VPS8: variants seen among roughly 807,000 people sequenced by gnomAD.
VPS8 encodes vacuolar protein sorting-associated protein 8 homolog.
Under a neutral mutation model 216.4 loss-of-function variants are expected in VPS8, and 129 were observed. That is an observed-to-expected ratio of 0.60 (90% CI 0.52 to 0.69). The LOEUF (loss-of-function observed/expected upper bound fraction) is 0.69, where lower values mean the gene tolerates loss of function less well. Ranked by LOEUF, VPS8 falls within the 30% of genes least tolerant of loss-of-function variation. The pLI is 0.00. For synonymous variants in VPS8, 571 were observed against 565.4 expected (o/e 1.01, Z -0.14); for missense variants, 1,531 against 1,683.5 (o/e 0.91, Z 1.59).
intron 40 of VPS8, among the ~76,000 whole-genome samples, chr3:184,973,155 C>T (rs1279074080): frequency 6.6e-6 from 1 of 152,116 alleles, no homozygotes; most frequent in Non-Finnish European, 1.5e-5. Flanking sequence ...GATACATACT[C>T]ATCATTTTTA....
chr3:184,967,899 T>A (rs1747692918), intron 39 of VPS8, among the ~76,000 whole-genome samples: 1 of 151,998 alleles, frequency 6.6e-6, no homozygotes, highest in Non-Finnish European at 1.5e-5. Flanking sequence ...AAATTTACCA[T>A]TTTAACTATT....
rs1722534839 is a variant in VPS8, at chr3:184,843,337, T to TA, written c.541+93dup. 9.3e-6 allele frequency: 9 copies of TA among 965,542 alleles called. No individual in the cohort carries two copies. In the Middle Eastern group the frequency reaches 6.8e-4, roughly 73 times the overall value. 59.8% of individuals were successfully genotyped at this position (965,542 alleles called of 1,614,324 possible). A position where few individuals can be genotyped will look rare whatever the true frequency, so the allele number is the denominator to read the frequency against. On this transcript the variant is annotated intron_variant, in intron 8 of 47. Coordinates refer to ENST00000625842, the MANE Select transcript of VPS8 (RefSeq NM_001009921.3). ...CTACCAATTATAGTCAATGTCCTCTTACGAAATGCTTATTGAAAAAAACCC... is the reference window on the plus strand; with the variant it reads ...CTACCAATTATAGTCAATGTCCTCTTAACGAAATGCTTATTGAAAAAAACCC...
chr3:184,841,226 A>G (rs1174857132), intron 7 of VPS8, among the ~76,000 whole-genome samples: 1 of 152,198 alleles, frequency 6.6e-6, no homozygotes, highest in African/African-American at 2.4e-5. Context: ...AGTTGAAGAT[A>G]TACCAAATCC....
At chr3:185,017,571 T>G (rs567239064) in intron 45 of VPS8, among the ~76,000 whole-genome samples, 2 of 152,354 alleles carry the variant, frequency 1.3e-5, no homozygotes, top group South Asian at 4.1e-4. Context: ...CTCATTGTAA[T>G]CTGAATCAAT....
At chr3:184,909,274 G>A (rs1444720366) in intron 25 of VPS8, among the ~76,000 whole-genome samples, 2 of 152,166 alleles carry the variant, frequency 1.3e-5, no homozygotes, top group Admixed American at 6.5e-5. Context: ...GCATTTTTCT[G>A]AATAAACATT....
Position 185,052,269 on chromosome 3 carries a change from G to A in VPS8, c.*244G>A, listed in dbSNP as rs1262565015. 2 of 422,632 alleles carry A rather than the reference G, an allele frequency of 4.7e-6. No homozygotes were observed. Among genetic ancestry groups the A allele is most frequent in the Non-Finnish European group, 8.3e-6 (2 of 240,164 alleles). 26.2% of individuals were successfully genotyped at this position (422,632 alleles called of 1,614,324 possible). ...GATTTTGTTTTGCTTGTTAAGCAAA[G>A]GAATGTCACATACCTCTGTCCAGCT... On this transcript the variant is annotated 3_prime_UTR_variant, in exon 48 of 48. Coordinates refer to ENST00000625842, the MANE Select transcript of VPS8 (RefSeq NM_001009921.3).
chr3:184,862,959 G>A lies in VPS8; in HGVS notation c.1287G>A (p.Arg429=). ...TAGAGAAGTTGCATGTGATTGATCG[G>A]CAAACACAAGAGGAATTGGAGACAG... The part of the protein sequence containing the change: ...DSVEKLHVID[R]QTQEELETVE... Residue 429 remains arginine, a synonymous_variant, in exon 16 of 48, where the codon CGG becomes CGA. Coordinates refer to ENST00000625842, the MANE Select transcript of VPS8 (RefSeq NM_001009921.3). 6.2e-7 allele frequency: 1 copy of A among 1,613,906 alleles called. No homozygotes were observed. Among genetic ancestry groups the A allele is most frequent in the Non-Finnish European group, 8.5e-7 (1 of 1,179,812 alleles).
intron 16 of VPS8, among the ~76,000 whole-genome samples, chr3:184,863,325 T>C (rs762440244): frequency 7.9e-5 from 12 of 152,216 alleles, no homozygotes; most frequent in Non-Finnish European, 1.2e-4. Flanking sequence ...TTAATTTTTA[T>C]ACTAAAATAA....
intron 45 of VPS8, among the ~76,000 whole-genome samples, chr3:185,015,044 A>G (rs1755597149): frequency 6.6e-6 from 1 of 152,230 alleles, no homozygotes; most frequent in African/African-American, 2.4e-5. Context: ...AAAGAGAATT[A>G]GGTTCCAGTC....
At chr3:184,847,844 G>A (rs1322501585) in intron 8 of VPS8, among the ~76,000 whole-genome samples, 2 of 152,012 alleles carry the variant, frequency 1.3e-5, no homozygotes, top group Non-Finnish European at 2.9e-5. Context: ...CAAGATCCTC[G>A]CCCTTATCAC....
chr3:184,957,492 G>A lies in VPS8; in HGVS notation c.3154G>A (p.Glu1052Lys). Residue 1052 changes from glutamate to lysine, a missense_variant, in exon 37 of 48, where the codon GAG becomes AAG. Transcript: ENST00000625842. The stretch of plus-strand genomic sequence containing the variant: ...AGTTATAGAGACTCTGCAAGTCCTT[G>A]AGTGCTACCGTCTGGAAGAAACTAT... ...TQVIETLQVL[E>K]CYRLEETIQI... 1 of 1,611,918 alleles carries A rather than the reference G, an allele frequency of 6.2e-7. No homozygotes were observed. The highest frequency in any genetic ancestry group is 8.5e-7 in the Non-Finnish European group (1 of 1,179,012).
chr3:184,921,326 C>T (rs774701140), intron 29 of VPS8, among the ~76,000 whole-genome samples: 1 of 152,198 alleles, frequency 6.6e-6, no homozygotes, highest in Non-Finnish European at 1.5e-5. Flanking sequence ...ACACTTAGTA[C>T]GTGATTTCCA....
intron 21 of VPS8, among the ~76,000 whole-genome samples, chr3:184,882,656 T>C (rs1325873944): frequency 6.6e-6 from 1 of 152,104 alleles, no homozygotes; most frequent in Non-Finnish European, 1.5e-5. Flanking sequence ...TTTTAAATGT[T>C]TGGTACAATT....
intron 45 of VPS8, among the ~76,000 whole-genome samples, chr3:185,005,007 G>T (rs1754047281): frequency 6.6e-6 from 1 of 151,724 alleles, no homozygotes. Context: ...ATGGATTCAG[G>T]GCTTAGATTT....
At chr3:184,902,113 C>A (rs1269759649) in intron 25 of VPS8, among the ~76,000 whole-genome samples, 2 of 117,098 alleles carry the variant, frequency 1.7e-5, no homozygotes, top group African/African-American at 3.2e-5. Flanking sequence ...AATATTTAGC[C>A]CCCCCCCCCT....
At chr3:184,960,317 G>T (rs1746305542) in intron 37 of VPS8, among the ~76,000 whole-genome samples, 1 of 152,060 alleles carries the variant, frequency 6.6e-6, no homozygotes, top group Non-Finnish European at 1.5e-5. Flanking sequence ...CCTTGAAGAT[G>T]CAACACTTTA....
At chr3:185,033,212 A>G (rs1407490916) in intron 46 of VPS8, among the ~76,000 whole-genome samples, 1 of 152,182 alleles carries the variant, frequency 6.6e-6, no homozygotes, top group East Asian at 1.9e-4. Flanking sequence ...ATAAATGTAT[A>G]ATGAAATGTA....
At chr3:184,977,794 G>T (rs2109705837) in intron 40 of VPS8, among the ~76,000 whole-genome samples, 1 of 148,534 alleles carries the variant, frequency 6.7e-6, no homozygotes, top group South Asian at 2.1e-4. Flanking sequence ...TCAGCTTTTG[G>T]ATATGTTGCT....
At chr3:184,830,666 A>G (rs1440595083) in intron 3 of VPS8, among the ~76,000 whole-genome samples, 1 of 151,988 alleles carries the variant, frequency 6.6e-6, no homozygotes, top group Admixed American at 6.6e-5. Context: ...ATTTTCTTTA[A>G]TTATGTCCCC....
Sources: allele counts gnomAD v4.1 joint callset (sites outside exome capture counted in the v4.1 genomes callset), GRCh38; gene constraint gnomAD v4.1.1; transcripts MANE v1.5; gene names NCBI Gene and HGNC (gene_info 2026-07-23, HGNC 2026-07-21).